PGBD2: variants seen among roughly 807,000 people sequenced by gnomAD.
PGBD2 encodes the protein piggyBac transposable element derived 2, also known as piggyBac transposable element-derived protein 2.
PGBD2 carries 6 observed loss-of-function variants against 8.1 expected under a neutral mutation model. The ratio of observed to expected loss-of-function variants is 0.74; its 90% CI spans 0.40 to 1.46. The LOEUF (loss-of-function observed/expected upper bound fraction) is 1.46. Among genes scored for constraint, PGBD2 ranks in the 40% most tolerant of loss-of-function variants. The pLI is 0.02. For synonymous variants in PGBD2, 318 were observed against 272.2 expected, an observed-to-expected ratio of 1.17 and a Z score of -1.66; for missense variants, 802 against 739.0, an observed-to-expected ratio of 1.09 and a Z score of -0.99.
chr1:248,905,850 GCACAC>G (rs1661613715), upstream of PGBD2, among the ~76,000 whole-genome samples: 1 of 152,148 alleles, frequency 6.6e-6, no homozygotes, highest in African/African-American at 2.4e-5. Context: ...CGATTATTGG[GCACAC>G]CCTCAGAGTT....
At chr1:248,912,214 G>A (rs527552658) in intron 1 of PGBD2, among the ~76,000 whole-genome samples, 2 of 152,146 alleles carry the variant, frequency 1.3e-5, no homozygotes, top group East Asian at 3.9e-4. Context: ...GGATAAACAG[G>A]GATGCTTCCT....
chr1:248,877,622 G>A, the PGBD2 span, among the ~76,000 whole-genome samples: 1 of 152,166 alleles, frequency 6.6e-6, no homozygotes, highest in East Asian at 1.9e-4. Flanking sequence ...GGCAATAAAT[G>A]ATTACTAGGG....
chr1:248,919,645 A>G (rs1218346017), downstream of PGBD2: 1 of 166,454 alleles, frequency 6.0e-6, no homozygotes, highest in African/African-American at 2.4e-5. Context: ...CTCTATTTTT[A>G]GTTTTTGAGG....
the PGBD2 span, among the ~76,000 whole-genome samples, chr1:248,873,827 C>A: frequency 3.9e-5 from 6 of 152,314 alleles, no homozygotes; most frequent in African/African-American, 9.6e-5. Context: ...AAGTATGAGG[C>A]TAAGTGAGAA....
the PGBD2 span, among the ~76,000 whole-genome samples, chr1:248,885,084 C>T: frequency 6.6e-6 from 1 of 151,966 alleles, no homozygotes; most frequent in South Asian, 2.1e-4. Flanking sequence ...TTTTTGCAGT[C>T]CCCTTGGCCA....
the PGBD2 span, among the ~76,000 whole-genome samples, chr1:248,895,139 A>C: frequency 6.6e-6 from 1 of 152,156 alleles, no homozygotes; most frequent in Non-Finnish European, 1.5e-5. Context: ...AAGTCCTTCC[A>C]GCCAGTCATT....
rs757766928 is a variant in PGBD2 at position 248,917,934 on chromosome 1, A to C, written c.1350A>C (p.Pro450=). Residue 450 remains proline (P), a synonymous_variant, in exon 3 of 3, where the codon CCA becomes CCC. Coordinates refer to ENST00000329291, the MANE Select transcript of PGBD2 (RefSeq NM_170725.3). The stretch of plus-strand genomic sequence containing the variant: ...AAACGCGGACTCAGGTCCACCAGCC[A>C]TCACTGGTGAAGCTGTATCAGGAGA... ...AAKTRTQVHQ[P]SLVKLYQEKV... is the part of the protein sequence containing the mutation. 3 of 1,614,246 alleles carry C rather than the reference A, an allele frequency of 1.9e-6. No homozygotes were observed. The highest frequency in any genetic ancestry group is 2.5e-6 in the Non-Finnish European group (3 of 1,180,032).
At chr1:248,906,012 G>A (rs1376806912), upstream of PGBD2, among the ~76,000 whole-genome samples, 1 of 151,938 alleles carries the variant, frequency 6.6e-6, no homozygotes, top group African/African-American at 2.4e-5. Context: ...AGCGAGGAAG[G>A]TTTCCAAAGT....
Position 248,918,051 on chromosome 1 carries a change from T to C in PGBD2, c.1467T>C (p.Tyr489=), listed in dbSNP as rs1330395315. Residue 489 remains tyrosine (Y), a synonymous_variant, in exon 3 of 3, where the codon TAT becomes TAC. Transcript: ENST00000329291. ...AGTGGTACTCAAGCTTTATTGGCTA[T>C]GTCATTGATGCTGCCCTCAACAATG... The part of the protein sequence containing the change: ...GMKWYSSFIG[Y]VIDAALNNAW... 6 of 1,614,120 alleles carry C rather than the reference T, an allele frequency of 3.7e-6. No homozygotes were observed. The African/African-American group carries it at 6.7e-5, about 18-fold the overall frequency.
the PGBD2 span, among the ~76,000 whole-genome samples, chr1:248,926,313 T>C: frequency 6.6e-6 from 1 of 151,822 alleles, no homozygotes; most frequent in African/African-American, 2.4e-5. Context: ...TTATTATTAA[T>C]AAATTATATT....
At chr1:248,908,468 T>TA (rs1661739371) in intron 1 of PGBD2, among the ~76,000 whole-genome samples, 3 of 151,736 alleles carry the variant, frequency 2.0e-5, no homozygotes, top group Admixed American at 6.6e-5. Flanking sequence ...CTTTCTCCCC[T>TA]GCCCTACCCC....
rs1412393055 is a variant in PGBD2, at chr1:248,917,508, G to T, written c.924G>T (p.Trp308Cys). ...CGTTSRGYLV[W>C]FEPSQGTLFT... ...CAACCAGCAGAGGCTACTTGGTGTG[G>T]TTTGAGCCCTCACAGGGCACACTGT... Residue 308 changes from tryptophan to cysteine, a missense_variant, in exon 3 of 3, where the codon TGG becomes TGT. Physicochemically the swap from Trp to Cys is radical, Grantham distance 215. Transcript: ENST00000329291. 1.2e-6 allele frequency: 2 copies of T among 1,614,042 alleles called. No homozygotes were observed. The highest frequency in any genetic ancestry group is 2.7e-5 in the African/African-American group (2 of 74,902).
At chr1:248,883,636 G>A in the PGBD2 span, among the ~76,000 whole-genome samples, 6 of 119,932 alleles carry the variant, frequency 5.0e-5, no homozygotes, top group East Asian at 2.5e-4. Context: ...TCGCCTTGTC[G>A]CCCAGGCTGG....
At position 248,917,697 on chromosome 1, in the gene PGBD2, AG is replaced by A; in HGVS notation, c.1115del (p.Gly372GlufsTer13). The A allele has an allele frequency of 6.2e-7, 1 of 1,614,286 alleles. No homozygotes were observed. The highest frequency in any genetic ancestry group is 1.1e-5 in the South Asian group (1 of 91,092). ...TGAGGAAAAAGGGGGTGAAAGCCAC[AG>A]GAACTGTTCGTGAGTACAGGACTGA... ...ILRKKGVKATGTVREYRTERC... is the reference protein window; with the variant it reads ...ILRKKGVKATXTVREYRTERC... On this transcript the variant is annotated frameshift_variant, in exon 3 of 3. Transcript: ENST00000329291. LOFTEE classifies it low-confidence loss of function (END_TRUNC).
At chr1:248,926,567 G>A in the PGBD2 span, among the ~76,000 whole-genome samples, 3 of 152,312 alleles carry the variant, frequency 2.0e-5, no homozygotes, top group East Asian at 3.9e-4. Flanking sequence ...AGTATTTCAT[G>A]AAGATCTACT....
At chr1:248,875,308 C>CAAAAAAAAA in the PGBD2 span, among the ~76,000 whole-genome samples, 39 of 110,254 alleles carry the variant, frequency 3.5e-4, no homozygotes, top group Non-Finnish European at 4.4e-4. Flanking sequence ...AAAAACAAAA[C>CAAAAAAAAA]AAAAAAAAAA....
chr1:248,880,935 A>T, the PGBD2 span, among the ~76,000 whole-genome samples: 124 of 152,232 alleles, frequency 8.1e-4, no homozygotes, highest in Non-Finnish European at 8.7e-4. Flanking sequence ...GTCATTATTT[A>T]GCATTATGAT....
At chr1:248,884,337 TTTTG>T in the PGBD2 span, among the ~76,000 whole-genome samples, 5 of 140,574 alleles carry the variant, frequency 3.6e-5, no homozygotes, top group South Asian at 1.0e-3. Flanking sequence ...AGTTTTTCGT[TTTTG>T]TTTGTGTTTT....
the PGBD2 span, among the ~76,000 whole-genome samples, chr1:248,883,584 C>CTTTTTTTTTT: frequency 2.1e-3 from 188 of 89,134 alleles, no homozygotes; most frequent in Non-Finnish European, 2.7e-3. Flanking sequence ...TTTTTTTTTT[C>CTTTTTTTTTT]TTTTTTTTTT....
Sources: allele counts gnomAD v4.1 joint callset (sites outside exome capture counted in the v4.1 genomes callset), GRCh38; gene constraint gnomAD v4.1.1; transcripts MANE v1.5; gene names NCBI Gene and HGNC (gene_info 2026-07-23, HGNC 2026-07-21).